The following MAP2K5 variants were observed in gnomAD, a reference collection of about 807,000 sequenced individuals.
The protein encoded by MAP2K5 is mitogen-activated protein kinase kinase 5.
A neutral mutation model predicts 83.1 loss-of-function variants in MAP2K5; 49 were observed. The observed-to-expected ratio is 0.59, with a 90% CI of 0.47 to 0.75. The LOEUF (loss-of-function observed/expected upper bound fraction) is 0.75. Ranked by LOEUF, MAP2K5 falls within the 30% of genes least tolerant of loss-of-function variation. The pLI, the probability that MAP2K5 is intolerant of heterozygous loss-of-function variation, is 0.00. For synonymous variants in MAP2K5, 202 were observed against 191.8 expected (o/e 1.05, Z -0.44); for missense variants, 457 against 557.5 (o/e 0.82, Z 1.82).
In MAP2K5 at chr15:67,550,101, C is replaced by CTT; in HGVS notation, c.184+21_184+22dup. 6.2e-7 allele frequency: 1 copy of CTT among 1,609,136 alleles called. No individual in the cohort carries two copies. Among genetic ancestry groups the CTT allele is most frequent in the Non-Finnish European group, 8.5e-7 (1 of 1,175,718 alleles). On this transcript the variant is annotated intron_variant, in intron 2 of 21. Transcript: ENST00000178640. ...TTTGAATGTAAGTCTGGCTTGTATA[C>CTT]TTTCTTGACTATTCCTTTCTGCAGT...
chr15:67,635,552 C>G (rs1479822126), intron 9 of MAP2K5, among the ~76,000 whole-genome samples: 5 of 152,044 alleles, frequency 3.3e-5, no homozygotes, highest in Non-Finnish European at 5.9e-5. Context: ...TTTACCAATG[C>G]CAGTGCTCTT....
At chr15:67,602,594 C>T (rs189877149) in intron 8 of MAP2K5, among the ~76,000 whole-genome samples, 17 of 152,276 alleles carry the variant, frequency 1.1e-4, no homozygotes, top group African/African-American at 3.4e-4. Context: ...AGAATTTTTA[C>T]GAGACATAAT....
chr15:67,648,328 A>G (rs1305628421), intron 11 of MAP2K5, among the ~76,000 whole-genome samples: 1 of 152,184 alleles, frequency 6.6e-6, no homozygotes, highest in Non-Finnish European at 1.5e-5. Flanking sequence ...ATCTGATAAT[A>G]TATGGCCTTT....
At chr15:67,588,543 CATT>C (rs1391324508) in intron 6 of MAP2K5, among the ~76,000 whole-genome samples, 1 of 152,238 alleles carries the variant, frequency 6.6e-6, no homozygotes, top group Non-Finnish European at 1.5e-5. Context: ...GTAGCATATT[CATT>C]GACAAAGTTC....
chr15:67,659,648 G>A (rs1245489687), intron 12 of MAP2K5, among the ~76,000 whole-genome samples: 1 of 152,024 alleles, frequency 6.6e-6, no homozygotes, highest in African/African-American at 2.4e-5. Flanking sequence ...CTAATCCCAG[G>A]AGAGAATGAA....
Position 67,579,177 on chromosome 15 carries a change from G to A in MAP2K5, c.253-1577G>A, listed in dbSNP as rs566972642. 3.3e-5 allele frequency among the ~76,000 whole-genome samples: 5 copies of A among 152,096 alleles called. No homozygotes were observed. The South Asian group carries it at 6.2e-4, about 19-fold the overall frequency. On this transcript the variant is annotated intron_variant, in intron 3 of 21. Transcript: ENST00000178640. ...GGGTACATGCTGTGGATCAATAACC[G>A]GCAAATTTCCCATTAAAAAGAATAC...
chr15:67,630,936 T>G lies in MAP2K5; in HGVS notation c.585+9T>G, dbSNP rs1279538313. The G allele has an allele frequency of 3.8e-6, 6 of 1,593,460 alleles. No individual in the cohort carries two copies. The highest frequency in any genetic ancestry group is 5.2e-6 in the Non-Finnish European group (6 of 1,164,996). ...AAATATTAGCTGTAAAGGTAAGTAC[T>G]GGATACATTTTATGAAATTCTTGAT... is the stretch of plus-strand genomic sequence containing the variant. On this transcript the variant is annotated intron_variant, in intron 9 of 21. Transcript: ENST00000178640.
intron 13 of MAP2K5, among the ~76,000 whole-genome samples, chr15:67,667,421 A>G (rs763358569): frequency 9.9e-5 from 15 of 152,162 alleles, no homozygotes; most frequent in Non-Finnish European, 1.9e-4. Flanking sequence ...CTCTAAATGA[A>G]TGATGATGGG....
chr15:67,646,251 A>G lies in MAP2K5; in HGVS notation c.606A>G (p.Thr202=), dbSNP rs1334067701. 3 of 1,404,530 alleles carry G rather than the reference A, an allele frequency of 2.1e-6. No homozygotes were observed. The South Asian group carries it at 3.7e-5, about 17-fold the overall frequency. 87.0% of individuals were successfully genotyped at this position (1,404,530 alleles called of 1,614,324 possible). ...TTTAGGTCATACTACTAGATATTAC[A>G]CTGGAACTTCAGAAGCAAATTATGT... is the stretch of plus-strand genomic sequence containing the variant. ...LAVKVILLDI[T]LELQKQIMSE... Residue 202 remains threonine (T), a synonymous_variant, in exon 10 of 22, where the codon ACA becomes ACG. Transcript: ENST00000178640.
intron 8 of MAP2K5, chr15:67,628,751 G>A: frequency 1.3e-6 from 1 of 763,730 alleles, no homozygotes; most frequent in Non-Finnish European, 2.4e-6. Flanking sequence ...CAGCCAAAGA[G>A]GTCGAAGTGG....
rs1004267916 is a variant in MAP2K5 at position 67,720,057 on chromosome 15, A to G, written c.1045-7859A>G. Among the ~76,000 whole-genome samples the G allele has an allele frequency of 6.6e-6, 1 of 152,176 alleles. No homozygotes were observed. Among genetic ancestry groups the G allele is most frequent in the African/African-American group, 2.4e-5 (1 of 41,436 alleles). On this transcript the variant is annotated intron_variant, in intron 16 of 21. Transcript: ENST00000178640. This position sits in a 1 kb window ranked among gnomAD's most constrained non-coding sequence, Gnocchi z 5.7. ...CGGTTAAAGTGTCTGTAAAGCTACA[A>G]AAGTGGGCATTTTTAAATTGAGGGT...
chr15:67,582,120 G>C (rs1418847854), intron 4 of MAP2K5, among the ~76,000 whole-genome samples: 1 of 145,702 alleles, frequency 6.9e-6, no homozygotes, highest in Middle Eastern at 3.4e-3. Flanking sequence ...GGAGTGCAGT[G>C]GTGCAATCTC....
intron 8 of MAP2K5, among the ~76,000 whole-genome samples, chr15:67,624,359 A>G (rs940034377): frequency 6.7e-6 from 1 of 149,832 alleles, no homozygotes; most frequent in African/African-American, 2.5e-5. Context: ...AAAAAAAAAA[A>G]GAAGTGGCAC....
In MAP2K5 at chr15:67,780,517, A is replaced by T. The variant is rs181159086; in HGVS notation, c.1242+7765A>T. 6.6e-6 allele frequency among the ~76,000 whole-genome samples: 1 copy of T among 152,314 alleles called. No individual in the cohort carries two copies. Among genetic ancestry groups the T allele is most frequent in the Non-Finnish European group, 1.5e-5 (1 of 68,006 alleles). ...TGCAGATAAAGTAGACACTAAACAG[A>T]TAGACAAACAAGACATGTATCTGGT... On this transcript the variant is annotated intron_variant, in intron 21 of 21. Coordinates refer to ENST00000178640, the MANE Select transcript of MAP2K5 (RefSeq NM_145160.3). This position sits in a 1 kb window ranked among gnomAD's most constrained non-coding sequence, Gnocchi z 5.0.
chr15:67,791,043 C>G (rs1342431140), intron 21 of MAP2K5, among the ~76,000 whole-genome samples: 1 of 152,204 alleles, frequency 6.6e-6, no homozygotes, highest in Non-Finnish European at 1.5e-5. Flanking sequence ...GAGAGCTCCT[C>G]ACGCCATGAA....
chr15:67,675,086 G>A (rs2087645002), intron 13 of MAP2K5, among the ~76,000 whole-genome samples: 1 of 152,120 alleles, frequency 6.6e-6, no homozygotes, highest in Non-Finnish European at 1.5e-5. Context: ...CCCAGCAATT[G>A]CATTCCTGGG....
chr15:67,551,301 C>T (rs1254224236), intron 2 of MAP2K5, among the ~76,000 whole-genome samples: 2 of 152,090 alleles, frequency 1.3e-5, no homozygotes, highest in African/African-American at 2.4e-5. Flanking sequence ...GTTGAATGCC[C>T]ATCAAACAAA....
At chr15:67,546,464 C>T (rs2084390975) in intron 1 of MAP2K5, 1 of 327,324 alleles carries the variant, frequency 3.1e-6, no homozygotes, top group African/African-American at 2.2e-5. Flanking sequence ...TTGAGGGCTC[C>T]AGTCACTGTG....
At chr15:67,680,838 G>T (rs1210085333) in intron 13 of MAP2K5, among the ~76,000 whole-genome samples, 2 of 152,180 alleles carry the variant, frequency 1.3e-5, no homozygotes, top group Admixed American at 6.5e-5. Flanking sequence ...TGTTGTGATT[G>T]GATAATGTTA....
Sources: allele counts gnomAD v4.1 joint callset (sites outside exome capture counted in the v4.1 genomes callset), GRCh38; gene constraint gnomAD v4.1.1; non-coding constraint Gnocchi (gnomAD v3.1); transcripts MANE v1.5; gene names NCBI Gene and HGNC (gene_info 2026-07-23, HGNC 2026-07-21).